Variants in TENM1 observed in about 807,000 individuals in gnomAD.
TENM1 encodes the protein teneurin-1.
A neutral mutation model predicts 174.8 loss-of-function variants in TENM1; 35 were observed. The ratio of observed to expected loss-of-function variants is 0.20; its 90% confidence interval spans 0.15 to 0.27. The LOEUF (loss-of-function observed/expected upper bound fraction) is 0.27. Ranked by LOEUF, TENM1 falls within the 10% of genes least tolerant of loss-of-function variation. The pLI is 1.00. For synonymous variants in TENM1, 781 were observed against 798.7 expected, an observed-to-expected ratio of 0.98 and a Z score of 0.37; for missense variants, 1,633 against 2,130.1, an observed-to-expected ratio of 0.77 and a Z score of 4.59.
the TENM1 span, among the ~76,000 whole-genome samples, chrX:125,042,895 A>C: frequency 1.8e-5 from 2 of 111,482 alleles, no homozygotes; most frequent in African/African-American, 6.5e-5. Flanking sequence ...AGTCAGATTC[A>C]GGCCTAGAGT....
At chrX:124,870,650 A>G (rs976106816) in intron 3 of TENM1, among the ~76,000 whole-genome samples, 4 of 110,650 alleles carry the variant, frequency 3.6e-5, no homozygotes, top group Non-Finnish European at 7.6e-5. Context: ...AGTGTGCCTC[A>G]AGTATTTTTT....
At chrX:124,747,310 T>C (rs1203580342) in intron 3 of TENM1, among the ~76,000 whole-genome samples, 1 of 107,690 alleles carries the variant, frequency 9.3e-6, no homozygotes, top group Non-Finnish European at 1.9e-5. Flanking sequence ...CTTCAGAAAA[T>C]GAAAAAAATT....
the TENM1 span, among the ~76,000 whole-genome samples, chrX:124,983,819 G>T: frequency 1.8e-5 from 2 of 109,637 alleles, no homozygotes; most frequent in Non-Finnish European, 3.8e-5. Flanking sequence ...ACGGGGTTTC[G>T]CTATGTTGGC....
At chrX:125,177,790 T>G in the TENM1 span, among the ~76,000 whole-genome samples, 5 of 112,026 alleles carry the variant, frequency 4.5e-5, no homozygotes, top group Non-Finnish European at 9.4e-5. Context: ...TCTGATCCCA[T>G]TTCCTAAGCA....
chrX:124,600,074 T>C lies in TENM1; in HGVS notation c.2078-34514A>G, dbSNP rs183782283. ...TATATAAATGTATGTGTATATTTCC[T>C]ACCTCTGTTCACCATGAGGGCCTGG... On this transcript the variant is annotated intron_variant, in intron 11 of 31. Transcript: ENST00000422452. Among the ~76,000 whole-genome samples the C allele has an allele frequency of 2.1e-3, 230 of 110,205 alleles. 2 individuals are homozygous for C. Among genetic ancestry groups the C allele is most frequent in the Non-Finnish European group, 3.3e-3 (173 of 52,609 alleles).
At chrX:124,598,945 T>C (rs1054246191) in intron 11 of TENM1, among the ~76,000 whole-genome samples, 19 of 112,105 alleles carry the variant, frequency 1.7e-4, no homozygotes, top group African/African-American at 5.8e-4. Context: ...ATGCTTGAGA[T>C]AATGGATACC....
chrX:124,472,733 A>G (rs2061349646), intron 22 of TENM1, among the ~76,000 whole-genome samples: 1 of 111,000 alleles, frequency 9.0e-6, no homozygotes, highest in South Asian at 3.8e-4. Flanking sequence ...GCTAGTGTAG[A>G]GTGAATATTC....
chrX:124,651,618 A>G (rs73215130), intron 8 of TENM1, among the ~76,000 whole-genome samples: 109 of 111,771 alleles, frequency 9.8e-4, no homozygotes, highest in Non-Finnish European at 2.0e-3. Context: ...TCATCTATGT[A>G]GCCTTGGTAA....
chrX:124,605,589 C>T (rs777357642), intron 11 of TENM1, among the ~76,000 whole-genome samples: 1 of 111,317 alleles, frequency 9.0e-6, no homozygotes, highest in South Asian at 3.8e-4. Context: ...TTGCTTTTCT[C>T]AGTGTTGTCT....
At position 124,914,399 on chromosome X, in the gene TENM1, G is replaced by A. The variant is rs562597815; in HGVS notation, c.218-18158C>T. ...AAAATGGGTCAGTGACTCTTGTGGA[G>A]TTGGTAGATTAAGCTAGGATTTGAT... On this transcript the variant is annotated intron_variant, in intron 1 of 31. Transcript: ENST00000422452. Among the ~76,000 whole-genome samples the A allele has an allele frequency of 4.5e-5, 5 of 111,760 alleles. No individual in the cohort carries two copies. The South Asian group carries it at 1.5e-3, about 34-fold the overall frequency.
At chrX:124,984,132 A>C in the TENM1 span, among the ~76,000 whole-genome samples, 7 of 112,427 alleles carry the variant, frequency 6.2e-5, no homozygotes, top group Non-Finnish European at 1.3e-4. Context: ...GCATATACAT[A>C]CACATACAAG....
intron 23 of TENM1, among the ~76,000 whole-genome samples, chrX:124,442,955 T>C (rs1445992323): frequency 9.2e-6 from 1 of 109,088 alleles, no homozygotes; most frequent in Middle Eastern, 4.3e-3. Flanking sequence ...TAAGCCACCA[T>C]GCCTAGCCCT....
chrX:125,181,110 A>G, the TENM1 span, among the ~76,000 whole-genome samples: 1 of 111,986 alleles, frequency 8.9e-6, no homozygotes, highest in Admixed American at 9.5e-5. Flanking sequence ...AGCATACACT[A>G]TGTTATATGC....
the TENM1 span, among the ~76,000 whole-genome samples, chrX:125,160,362 GAAA>G: frequency 1.2e-5 from 1 of 85,078 alleles, no homozygotes. Flanking sequence ...CATCTCTACT[GAAA>G]AAAAAAAAAA....
At chrX:124,991,489 GGAGAGAGACA>G in the TENM1 span, among the ~76,000 whole-genome samples, 1,505 of 108,945 alleles carry the variant, frequency 0.014, 14 homozygotes, top group Non-Finnish European at 0.022. Flanking sequence ...GGGGAGAGAG[GGAGAGAGACA>G]GAGAGAGACA....
the TENM1 span, among the ~76,000 whole-genome samples, chrX:125,013,634 T>C: frequency 3.6e-5 from 4 of 111,801 alleles, no homozygotes; most frequent in Non-Finnish European, 7.5e-5. Context: ...AGACTGGATA[T>C]GACTGGATAT....
chrX:124,607,670 G>A (rs1036421601), intron 11 of TENM1, among the ~76,000 whole-genome samples: 2 of 110,863 alleles, frequency 1.8e-5, no homozygotes, highest in Admixed American at 9.6e-5. Context: ...TTAACTCTGA[G>A]TGAAGTGGGA....
intron 5 of TENM1, among the ~76,000 whole-genome samples, chrX:124,696,137 G>A (rs1256690996): frequency 2.7e-5 from 3 of 111,789 alleles, no homozygotes; most frequent in African/African-American, 9.7e-5. Context: ...CATTCTATGA[G>A]ATAATATTGG....
intron 1 of TENM1, among the ~76,000 whole-genome samples, chrX:124,943,542 G>A (rs1022675077): frequency 6.2e-5 from 7 of 112,332 alleles, no homozygotes; most frequent in African/African-American, 2.3e-4. Context: ...AAGCGGTGCT[G>A]CTGTATTAAA....
Sources: allele counts gnomAD v4.1 joint callset (sites outside exome capture counted in the v4.1 genomes callset), GRCh38; gene constraint gnomAD v4.1.1; transcripts MANE v1.5; gene names NCBI Gene and HGNC (gene_info 2026-07-23, HGNC 2026-07-21).